ATXN1: variants seen among roughly 807,000 people sequenced by gnomAD.
ATXN1 encodes ataxin-1.
ATXN1 carries 8 observed loss-of-function variants against 56.4 expected under a neutral mutation model. The ratio of observed to expected loss-of-function variants is 0.14; its 90% CI spans 0.08 to 0.26. ATXN1 has a LOEUF of 0.26. ATXN1 is among the 10% of genes least tolerant of loss of function. ATXN1 has a pLI of 1.00. For synonymous variants in ATXN1, 514 were observed against 494.6 expected (o/e 1.04, Z -0.52); for missense variants, 987 against 1,106.5 (o/e 0.89, Z 1.53).
At chr6:16,734,975 A>C (rs568767656) in intron 2 of ATXN1, among the ~76,000 whole-genome samples, 7 of 152,284 alleles carry the variant, frequency 4.6e-5, no homozygotes, top group African/African-American at 1.4e-4. Context: ...TATTTTGTGA[A>C]TATACTTTTG....
At chr6:16,728,340 A>T (rs894240417) in intron 2 of ATXN1, among the ~76,000 whole-genome samples, 1 of 152,186 alleles carries the variant, frequency 6.6e-6, no homozygotes, top group African/African-American at 2.4e-5. Flanking sequence ...GGAGAAGTGG[A>T]GATTCATGCT....
chr6:16,450,697 A>G (rs1171757946), intron 6 of ATXN1, among the ~76,000 whole-genome samples: 3 of 152,228 alleles, frequency 2.0e-5, no homozygotes, highest in Non-Finnish European at 4.4e-5. Flanking sequence ...TGAAGTATTC[A>G]ATGAATAGCT....
chr6:16,419,835 G>T (rs1056957692), intron 6 of ATXN1, among the ~76,000 whole-genome samples: 2 of 152,184 alleles, frequency 1.3e-5, no homozygotes, highest in African/African-American at 4.8e-5. Flanking sequence ...GTCATCATTT[G>T]GCAGAGTCCA....
At chr6:16,405,807 C>T (rs868331196) in intron 6 of ATXN1, among the ~76,000 whole-genome samples, 6 of 152,218 alleles carry the variant, frequency 3.9e-5, no homozygotes, top group South Asian at 2.1e-4. Context: ...ATGTCCTTTA[C>T]GCTCATGAAA....
At chr6:16,440,648 A>AAAAAAAAAAAAAAGAAAG (rs748929817) in intron 6 of ATXN1, among the ~76,000 whole-genome samples, 1 of 118,544 alleles carries the variant, frequency 8.4e-6, no homozygotes, top group African/African-American at 3.6e-5. Flanking sequence ...CTTAAAAAAA[A>AAAAAAAAAAAAAAGAAAG]AAAAGAAAAG....
intron 1 of ATXN1, 85 bp downstream of exon 1, chr6:16,761,213 A>G (rs1472572844): frequency 5.5e-5 from 20 of 360,686 alleles, no homozygotes; most frequent in Non-Finnish European, 4.9e-5. Flanking sequence ...AGATCGGGGG[A>G]GGAGGGATTT....
intron 6 of ATXN1, among the ~76,000 whole-genome samples, chr6:16,424,299 G>A (rs12211562): frequency 0.056 from 8,518 of 152,226 alleles, 309 homozygotes; most frequent in Middle Eastern, 0.17. Flanking sequence ...GTGTGCATGC[G>A]CATGAATGGA....
intron 6 of ATXN1, among the ~76,000 whole-genome samples, chr6:16,352,861 A>G (rs1008975345): frequency 1.3e-5 from 2 of 152,152 alleles, no homozygotes; most frequent in Admixed American, 1.3e-4. Context: ...AATAAAATAG[A>G]ACGATTGTAA....
At position 16,506,523 on chromosome 6, in the gene ATXN1, G is replaced by A. The variant is rs1760984229; in HGVS notation, c.-299+16104C>T. 6.6e-6 allele frequency among the ~76,000 whole-genome samples: 1 copy of A among 152,110 alleles called. No homozygotes were observed. The highest frequency in any genetic ancestry group is 6.5e-5 in the Admixed American group (1 of 15,278). ...TTTCTCCTCACTCCCTATGTAATTG[G>A]TGGCCAGGATATTGAAATTCTCTGG... On this transcript the variant is annotated intron_variant, in intron 5 of 7. Coordinates refer to ENST00000436367, the MANE Select transcript of ATXN1 (RefSeq NM_001128164.2). This position sits in a 1 kb window ranked among gnomAD's most constrained non-coding sequence, Gnocchi z 4.1.
intron 2 of ATXN1, among the ~76,000 whole-genome samples, chr6:16,714,933 T>G (rs1759607796): frequency 6.6e-6 from 1 of 152,218 alleles, no homozygotes; most frequent in Admixed American, 6.5e-5. Context: ...CTCTAATTTG[T>G]GCCTTGTCTG....
At chr6:16,637,822 G>A (rs1431067235) in intron 3 of ATXN1, among the ~76,000 whole-genome samples, 1 of 152,184 alleles carries the variant, frequency 6.6e-6, no homozygotes, top group Admixed American at 6.5e-5. Flanking sequence ...AATCACGATT[G>A]TGACTCATCA....
chr6:16,703,818 G>A (rs1480950692), intron 2 of ATXN1, among the ~76,000 whole-genome samples: 8 of 152,148 alleles, frequency 5.3e-5, no homozygotes, highest in South Asian at 4.1e-4. Context: ...TCAGGAGTTC[G>A]AGACCAATCT....
chr6:16,365,728 A>T (rs902842586), intron 6 of ATXN1, among the ~76,000 whole-genome samples: 2 of 152,260 alleles, frequency 1.3e-5, no homozygotes, highest in African/African-American at 4.8e-5. Context: ...AGCAGTGTTT[A>T]GGGAGGACAA....
intron 5 of ATXN1, among the ~76,000 whole-genome samples, chr6:16,501,136 T>C (rs1435222980): frequency 6.6e-6 from 1 of 152,254 alleles, no homozygotes; most frequent in Non-Finnish European, 1.5e-5. Context: ...CATGCACACA[T>C]GCATACACAC....
chr6:16,750,425 T>C (rs1352336631), intron 2 of ATXN1, among the ~76,000 whole-genome samples: 1 of 152,148 alleles, frequency 6.6e-6, no homozygotes, highest in Non-Finnish European at 1.5e-5. Context: ...ATAATGTAGG[T>C]TTAAGAAAAA....
At chr6:16,528,945 G>A (rs1209879830) in intron 4 of ATXN1, among the ~76,000 whole-genome samples, 4 of 152,122 alleles carry the variant, frequency 2.6e-5, no homozygotes, top group African/African-American at 7.2e-5. Flanking sequence ...TTGGGAAGCC[G>A]AGGGAGGTGG....
At chr6:16,352,608 G>T (rs560580888) in intron 6 of ATXN1, among the ~76,000 whole-genome samples, 1 of 152,196 alleles carries the variant, frequency 6.6e-6, no homozygotes, top group East Asian at 1.9e-4. Context: ...CCACAGCAAG[G>T]CACATCGAGG....
chr6:16,336,583 G>C (rs1254115446), intron 6 of ATXN1, among the ~76,000 whole-genome samples: 2 of 152,194 alleles, frequency 1.3e-5, no homozygotes, highest in Non-Finnish European at 2.9e-5. Flanking sequence ...CTCTGGCACA[G>C]GTCGGACGTG....
intron 4 of ATXN1, among the ~76,000 whole-genome samples, chr6:16,565,774 C>G (rs1762205818): frequency 6.6e-6 from 1 of 152,126 alleles, no homozygotes; most frequent in Non-Finnish European, 1.5e-5. Flanking sequence ...TTAATAAAGT[C>G]TCTCCATAAA....
Sources: allele counts gnomAD v4.1 joint callset (sites outside exome capture counted in the v4.1 genomes callset), GRCh38; gene constraint gnomAD v4.1.1; non-coding constraint Gnocchi (gnomAD v3.1); transcripts MANE v1.5; gene names NCBI Gene and HGNC (gene_info 2026-07-23, HGNC 2026-07-21).